The following TIFAB variants were observed in gnomAD, a reference collection of about 807,000 sequenced individuals.
TIFAB encodes TIFA inhibitor, also known as TRAF-interacting protein with FHA domain-containing protein B.
For synonymous variants in TIFAB, 116 were observed against 95.2 expected (o/e 1.22, Z -1.27); for missense variants, 222 against 203.6 (o/e 1.09, Z -0.55).
Position 135,446,563 on chromosome 5 carries a change from A to G in TIFAB, c.*2891T>C. 3 of 1,613,926 alleles carry G rather than the reference A, an allele frequency of 1.9e-6. No individual in the cohort carries two copies. On this transcript the variant is annotated 3_prime_UTR_variant, in exon 2 of 2. Coordinates refer to ENST00000537858, the MANE Select transcript of TIFAB (RefSeq NM_001099221.2). Reference sequence around the variant, plus strand: ...GAGAAAGTGAAGGTGGGTGCCATGGATCTGATGATTTCAGTGATTTTCTAC... The same window carrying G: ...GAGAAAGTGAAGGTGGGTGCCATGGGTCTGATGATTTCAGTGATTTTCTAC...
rs1769258166 is a variant in TIFAB, at chr5:135,446,273, C to T, written c.*3181G>A. 7.0e-7 allele frequency: 1 copy of T among 1,432,140 alleles called. No individual in the cohort carries two copies. The allele number at this position is 1,432,140 out of a possible 1,614,324, so 88.7% of individuals were successfully genotyped here. ...CAAGAATTCTAACCCAGGCAGCAGT[C>T]TGACCAGAGGGCCCTAGCTGGGAGC... On this transcript the variant is annotated 3_prime_UTR_variant, in exon 2 of 2. Transcript: ENST00000537858.
In TIFAB at chr5:135,446,526, T is replaced by C. The variant is rs1357215423; in HGVS notation, c.*2928A>G. 11 of 1,613,844 alleles carry C rather than the reference T, an allele frequency of 6.8e-6. No individual in the cohort carries two copies. The highest frequency in any genetic ancestry group is 9.3e-6 in the Non-Finnish European group (11 of 1,179,882). On this transcript the variant is annotated 3_prime_UTR_variant, in exon 2 of 2. Coordinates refer to ENST00000537858, the MANE Select transcript of TIFAB (RefSeq NM_001099221.2). ...CAGGCCCTGAAGCCAGCCTGACGGT[T>C]CCAGCTGTTAGGAGAAAGTGAAGGT... is the stretch of plus-strand genomic sequence containing the variant.
chr5:135,446,871 C>A lies in TIFAB; in HGVS notation c.*2583G>T. ...AATTGAACTGCCCCCTCTCGCAGGA[C>A]CCCAGCTGGCAAGGTTTTGTTCCTC... On this transcript the variant is annotated 3_prime_UTR_variant, in exon 2 of 2. Transcript: ENST00000537858. The A allele has an allele frequency of 1.9e-6, 3 of 1,613,802 alleles. No individual in the cohort carries two copies. The highest frequency in any genetic ancestry group is 8.5e-7 in the Non-Finnish European group (1 of 1,179,782).
Position 135,444,515 on chromosome 5 carries a change from A to T in TIFAB, c.*4939T>A, listed in dbSNP as rs1456855564. The T allele has an allele frequency of 6.6e-6, 1 of 152,326 alleles. No homozygotes were observed. The highest frequency in any genetic ancestry group is 1.5e-5 in the Non-Finnish European group (1 of 68,112). The allele number at this position is 152,326 out of a possible 1,614,324, so 9.4% of individuals were successfully genotyped here. ...ACTACGTGTCACGGGGTGGATGCTG[A>T]GGAAGAGAAAACAGAGCAGAGCTGG... On this transcript the variant is annotated 3_prime_UTR_variant, in exon 2 of 2. Coordinates refer to ENST00000537858, the MANE Select transcript of TIFAB (RefSeq NM_001099221.2).
In TIFAB at chr5:135,446,905, G is replaced by C; in HGVS notation, c.*2549C>G. The C allele has an allele frequency of 6.2e-7, 1 of 1,613,448 alleles. No homozygotes were observed. The highest frequency in any genetic ancestry group is 8.5e-7 in the Non-Finnish European group (1 of 1,179,608). Reference sequence around the variant, plus strand: ...GCAAGGTTTTGTTCCTCCCTGGAGGGTAGAGACCCTCACTGAGGCCCTGGA... The same window carrying C: ...GCAAGGTTTTGTTCCTCCCTGGAGGCTAGAGACCCTCACTGAGGCCCTGGA... On this transcript the variant is annotated 3_prime_UTR_variant, in exon 2 of 2. Transcript: ENST00000537858.
chr5:135,445,294 G>A lies in TIFAB; in HGVS notation c.*4160C>T, dbSNP rs539374420. 12 of 152,440 alleles carry A rather than the reference G, an allele frequency of 7.9e-5. No homozygotes were observed. In the East Asian group the frequency reaches 1.9e-3, roughly 25 times the overall value. 9.4% of individuals were successfully genotyped at this position (152,440 alleles called of 1,614,324 possible). ...TGAGTTAGAGCTACAAAGTCTCAAG[G>A]ACTAGAAGGAAGCACCAGCCTTGTT... On this transcript the variant is annotated 3_prime_UTR_variant, in exon 2 of 2. Coordinates refer to ENST00000537858, the MANE Select transcript of TIFAB (RefSeq NM_001099221.2).
Position 135,446,410 on chromosome 5 carries a change from G to A in TIFAB, c.*3044C>T. The A allele has an allele frequency of 6.2e-7, 1 of 1,610,348 alleles. No individual in the cohort carries two copies. Among genetic ancestry groups the A allele is most frequent in the Non-Finnish European group, 8.5e-7 (1 of 1,176,940 alleles). On this transcript the variant is annotated 3_prime_UTR_variant, in exon 2 of 2. Coordinates refer to ENST00000537858, the MANE Select transcript of TIFAB (RefSeq NM_001099221.2). ...CGTGGGCTGCCCTGCGGTGGGAGCT[G>A]AGAGAATGCAGTGGAGGTTGTTGGG...
rs1769231578 is a variant in TIFAB, at chr5:135,445,102, C to T, written c.*4352G>A. ...GCCAGCCCAACCTCTGATTGCTATC[C>T]TCAGAGCCCCTCCAGGGTCTCCTTG... On this transcript the variant is annotated 3_prime_UTR_variant, in exon 2 of 2. Coordinates refer to ENST00000537858, the MANE Select transcript of TIFAB (RefSeq NM_001099221.2). 6.6e-6 allele frequency: 1 copy of T among 152,208 alleles called. No homozygotes were observed. The highest frequency in any genetic ancestry group is 1.5e-5 in the Non-Finnish European group (1 of 68,066). The allele number at this position is 152,208 out of a possible 1,614,324, so 9.4% of individuals were successfully genotyped here.
Position 135,447,388 on chromosome 5 carries a change from G to T in TIFAB, c.*2066C>A. 2.0e-6 allele frequency: 1 copy of T among 503,358 alleles called. No individual in the cohort carries two copies. The allele number at this position is 503,358 out of a possible 1,614,324, so 31.2% of individuals were successfully genotyped here. A position where few individuals can be genotyped will look rare whatever the true frequency, so the allele number is the denominator to read the frequency against. On this transcript the variant is annotated 3_prime_UTR_variant, in exon 2 of 2. Coordinates refer to ENST00000537858, the MANE Select transcript of TIFAB (RefSeq NM_001099221.2). ...GGGTGTGAGTCTTCCTTAGCTCCGTGTGGATGGTGAGCCCTCCTCTCTCAG... is the reference window on the plus strand; with the variant it reads ...GGGTGTGAGTCTTCCTTAGCTCCGTTTGGATGGTGAGCCCTCCTCTCTCAG...
rs759839686 is a variant in TIFAB at position 135,445,935 on chromosome 5, T to C, written c.*3519A>G. 6.5e-6 allele frequency: 1 copy of C among 154,186 alleles called. No homozygotes were observed. Among genetic ancestry groups the C allele is most frequent in the Non-Finnish European group, 1.4e-5 (1 of 69,536 alleles). The allele number at this position is 154,186 out of a possible 1,614,324, so 9.6% of individuals were successfully genotyped here. A position where few individuals can be genotyped will look rare whatever the true frequency, so the allele number is the denominator to read the frequency against. ...AGATGATTTCTAGATTTCCAGACAATGTCTCAGAGAATTGTAGTGCTCTGG... is the reference window on the plus strand; with the variant it reads ...AGATGATTTCTAGATTTCCAGACAACGTCTCAGAGAATTGTAGTGCTCTGG... On this transcript the variant is annotated 3_prime_UTR_variant, in exon 2 of 2. Transcript: ENST00000537858.
chr5:135,446,362 A>C lies in TIFAB; in HGVS notation c.*3092T>G. 2 of 1,586,194 alleles carry C rather than the reference A, an allele frequency of 1.3e-6. No individual in the cohort carries two copies. Among genetic ancestry groups the C allele is most frequent in the Non-Finnish European group, 8.6e-7 (1 of 1,163,770 alleles). ...TCTGTGCATACTTGCGTGTGTGCAC[A>C]CGCACACATGTTCACTCAGGCACGT... On this transcript the variant is annotated 3_prime_UTR_variant, in exon 2 of 2. Transcript: ENST00000537858.
Position 135,447,239 on chromosome 5 carries a change from C to A in TIFAB, c.*2215G>T. The A allele has an allele frequency of 1.8e-6, 2 of 1,109,624 alleles. No individual in the cohort carries two copies. Among genetic ancestry groups the A allele is most frequent in the Non-Finnish European group, 1.3e-6 (1 of 771,294 alleles). The allele number at this position is 1,109,624 out of a possible 1,614,324, so 68.7% of individuals were successfully genotyped here. ...ATACTAACCCTGCCTATTGGACCTT[C>A]TGATGCAAGGAGCAGATTAAAATCC... is the stretch of plus-strand genomic sequence containing the variant. On this transcript the variant is annotated 3_prime_UTR_variant, in exon 2 of 2. Transcript: ENST00000537858.
rs1018183386 is a variant in TIFAB, at chr5:135,447,331, G to A, written c.*2123C>T. ...CTAGTTGGGGAATCACAGAGCACAG[G>A]TAAGCCCTTGGGTTCTGGAGCCAGC... On this transcript the variant is annotated 3_prime_UTR_variant, in exon 2 of 2. Transcript: ENST00000537858. The A allele has an allele frequency of 6.6e-6, 4 of 609,098 alleles. No homozygotes were observed. Among genetic ancestry groups the A allele is most frequent in the African/African-American group, 3.7e-5 (2 of 53,662 alleles). The allele number at this position is 609,098 out of a possible 1,614,324, so 37.7% of individuals were successfully genotyped here.
rs201944187 is a variant in TIFAB, at chr5:135,449,594, C to T, written c.346G>A (p.Val116Ile). The T allele has an allele frequency of 9.2e-5, 149 of 1,614,226 alleles. No individual in the cohort carries two copies. The highest frequency in any genetic ancestry group is 3.3e-4 in the Middle Eastern group (2 of 6,062). ...SFSGIQMLVRVEEGTSLEAFV... is the reference protein window; with the variant it reads ...SFSGIQMLVRIEEGTSLEAFV... ...GCCTCCAGGGATGTGCCTTCTTCTA[C>T]GCGAACCAGCATCTGGATGCCTGAG... Residue 116 changes from valine (V) to isoleucine (I), a missense_variant, in exon 2 of 2, where the codon GTA becomes ATA. Physicochemically the swap from Val to Ile is conservative, Grantham distance 29 (BLOSUM62 3). Coordinates refer to ENST00000537858, the MANE Select transcript of TIFAB (RefSeq NM_001099221.2).
chr5:135,449,444 C>A lies in TIFAB; in HGVS notation c.*10G>T. The A allele has an allele frequency of 6.2e-7, 1 of 1,611,562 alleles. No individual in the cohort carries two copies. Among genetic ancestry groups the A allele is most frequent in the Non-Finnish European group, 8.5e-7 (1 of 1,178,700 alleles). ...AGGGCCGTGGAGAAACCCCAGGCAA[C>A]CTGGATCTGCTACCCTGAACCAGGG... is the stretch of plus-strand genomic sequence containing the variant. On this transcript the variant is annotated 3_prime_UTR_variant, in exon 2 of 2. Transcript: ENST00000537858.
rs1769304912 is a variant in TIFAB, at chr5:135,448,220, T to C, written c.*1234A>G. ...CATCCTTTTGGGCAGAAAACAGAAATTGTTGACAGCTACAGACCCAGAGAT... is the reference window on the plus strand; with the variant it reads ...CATCCTTTTGGGCAGAAAACAGAAACTGTTGACAGCTACAGACCCAGAGAT... On this transcript the variant is annotated 3_prime_UTR_variant, in exon 2 of 2. Coordinates refer to ENST00000537858, the MANE Select transcript of TIFAB (RefSeq NM_001099221.2). The C allele has an allele frequency of 6.6e-6, 1 of 152,070 alleles. No homozygotes were observed. Among genetic ancestry groups the C allele is most frequent in the South Asian group, 2.1e-4 (1 of 4,812 alleles). 9.4% of individuals were successfully genotyped at this position (152,070 alleles called of 1,614,324 possible). A position where few individuals can be genotyped will look rare whatever the true frequency, so the allele number is the denominator to read the frequency against.
rs1265822007 is a variant in TIFAB, at chr5:135,446,379, C to G, written c.*3075G>C. 1.3e-6 allele frequency: 2 copies of G among 1,598,022 alleles called. No homozygotes were observed. The highest frequency in any genetic ancestry group is 1.3e-5 in the African/African-American group (1 of 74,770). On this transcript the variant is annotated 3_prime_UTR_variant, in exon 2 of 2. Transcript: ENST00000537858. ...GTGTGCACACGCACACATGTTCACT[C>G]AGGCACGTGGGCTGCCCTGCGGTGG...
Position 135,446,853 on chromosome 5 carries a change from C to G in TIFAB, c.*2601G>C. The G allele has an allele frequency of 6.2e-7, 1 of 1,613,942 alleles. No individual in the cohort carries two copies. Among genetic ancestry groups the G allele is most frequent in the South Asian group, 1.1e-5 (1 of 91,074 alleles). Reference sequence around the variant, plus strand: ...CAGAGTCCCCTGTGGAGGAATTGAACTGCCCCCTCTCGCAGGACCCCAGCT... The same window carrying G: ...CAGAGTCCCCTGTGGAGGAATTGAAGTGCCCCCTCTCGCAGGACCCCAGCT... On this transcript the variant is annotated 3_prime_UTR_variant, in exon 2 of 2. Transcript: ENST00000537858.
In TIFAB at chr5:135,449,356, C is replaced by T; in HGVS notation, c.*98G>A. 6.5e-7 allele frequency: 1 copy of T among 1,528,684 alleles called. No individual in the cohort carries two copies. The highest frequency in any genetic ancestry group is 8.8e-7 in the Non-Finnish European group (1 of 1,137,526). The allele number at this position is 1,528,684 out of a possible 1,614,324, so 94.7% of individuals were successfully genotyped here. ...AGAGTGCACTGTCTGGGGGTTCCCT[C>T]TGGAGCTGTATTTCTGTTCCTCCTC... On this transcript the variant is annotated 3_prime_UTR_variant, in exon 2 of 2. Coordinates refer to ENST00000537858, the MANE Select transcript of TIFAB (RefSeq NM_001099221.2).
Sources: gnomAD v4.1 joint callset for allele counts on GRCh38, gnomAD v4.1.1 for gene constraint, MANE v1.5 for transcripts, NCBI Gene and HGNC (gene_info 2026-07-23, HGNC 2026-07-21) for gene names.